Variants in MDH1B observed in about 807,000 individuals in gnomAD.
MDH1B encodes malate dehydrogenase 1B.
MDH1B carries 60 observed loss-of-function variants against 61.4 expected under a neutral mutation model. That is an observed-to-expected ratio of 0.98 (90% confidence interval 0.79 to 1.21). MDH1B has a LOEUF of 1.21. MDH1B is among the 50% of genes most tolerant of loss of function. The pLI, the probability that MDH1B is intolerant of heterozygous loss-of-function variation, is 0.00. For synonymous variants in MDH1B, 236 were observed against 218.7 expected (o/e 1.08, Z -0.70); for missense variants, 587 against 632.1 (o/e 0.93, Z 0.76).
At chr2:206,765,150 T>A in intron 1 of MDH1B, 100 bp downstream of exon 1, 1 of 1,422,520 alleles carries the variant, frequency 7.0e-7, no homozygotes, top group Non-Finnish European at 9.5e-7. Context: ...TAGCAAAGCA[T>A]GGAGCGGTCC....
At chr2:206,756,306 T>C (rs1453894384) in intron 4 of MDH1B, among the ~76,000 whole-genome samples, 3 of 152,132 alleles carry the variant, frequency 2.0e-5, no homozygotes, top group South Asian at 2.1e-4. Flanking sequence ...AAAATGAGTA[T>C]ATATTAGGAT....
At chr2:206,740,968 G>T in intron 10 of MDH1B, 86 bp downstream of exon 10, 2 of 1,573,666 alleles carry the variant, frequency 1.3e-6, no homozygotes, top group South Asian at 1.2e-5. Flanking sequence ...TTGGTCGCTA[G>T]ACCATAACAT....
chr2:206,742,529 C>A (rs183404008), intron 9 of MDH1B, among the ~76,000 whole-genome samples: 3 of 152,078 alleles, frequency 2.0e-5, no homozygotes, highest in African/African-American at 4.8e-5. Context: ...GCAAGAGTGA[C>A]GGCCTCCCCT....
At chr2:206,754,961 C>T (rs774034108) in intron 5 of MDH1B, 48 bp downstream of exon 5, 3 of 1,571,116 alleles carry the variant, frequency 1.9e-6, no homozygotes, top group Non-Finnish European at 2.6e-6. Flanking sequence ...GCTTTGAAAT[C>T]ATGTTGTTTC....
chr2:206,756,778 TAC>T (rs1688784823), intron 4 of MDH1B, 118 bp downstream of exon 4: 2 of 993,832 alleles, frequency 2.0e-6, no homozygotes, highest in Non-Finnish European at 3.0e-6. Flanking sequence ...TAAGTATACA[TAC>T]ACACAAATTT....
At position 206,765,275 on chromosome 2, in the gene MDH1B, CGAGA is replaced by C. The variant is rs774795887; in HGVS notation, c.-8_-5del. Reference sequence around the variant, plus strand: ...CCGCGATGACGAATTTGGCCATGGTCGAGAGAGACTCAGAGGCAGGGACCGCGGC... The same window carrying C: ...CCGCGATGACGAATTTGGCCATGGTCGAGACTCAGAGGCAGGGACCGCGGC... On this transcript the variant is annotated 5_prime_UTR_variant, in exon 1 of 12. Transcript: ENST00000374412. The C allele has an allele frequency of 6.2e-7, 1 of 1,601,166 alleles. No homozygotes were observed. The highest frequency in any genetic ancestry group is 2.3e-5 in the East Asian group (1 of 43,872).
At chr2:206,762,787 T>C (rs1263121890) in intron 1 of MDH1B, among the ~76,000 whole-genome samples, 1 of 152,186 alleles carries the variant, frequency 6.6e-6, no homozygotes, top group Non-Finnish European at 1.5e-5. Flanking sequence ...TCCGATCCTT[T>C]TCTTGTTGAC....
chr2:206,749,088 G>A lies in MDH1B; in HGVS notation c.1148C>T (p.Thr383Ile), dbSNP rs771489086. 4 of 1,613,754 alleles carry A rather than the reference G, an allele frequency of 2.5e-6. No individual in the cohort carries two copies. Among genetic ancestry groups the A allele is most frequent in the East Asian group, 4.5e-5 (2 of 44,878 alleles). The change falls in exon 7 of 12, where the codon ACT becomes ATT. Residue 383 changes from threonine to isoleucine, a missense_variant. Physicochemically the swap from Thr to Ile is moderately conservative, Grantham distance 89. Transcript: ENST00000374412. ...GGILAAHSIATTLKYWYHGSP... is the reference protein window; with the variant it reads ...GGILAAHSIAITLKYWYHGSP... ...GCCATGGTACCAGTATTTCAGTGTA[G>A]TGGCTATACTGTGTGCAGCCAAAAT...
rs1408311469 is a variant in MDH1B at position 206,760,977 on chromosome 2, A to G, written c.59T>C (p.Leu20Pro). ...ADCPYYAKTELVADYLQKNLP... is the reference protein window; with the variant it reads ...ADCPYYAKTEPVADYLQKNLP... ...ATTCTTTTGTAAATAGTCTGCCACA[A>G]GTTCTGTTTTAGCATAATATGGACA... The change falls in exon 2 of 12, where the codon CTT becomes CCT. Residue 20 changes from leucine (L) to proline (P), a missense_variant. Leu to Pro is a moderately conservative substitution (Grantham distance 98, BLOSUM62 -3). Transcript: ENST00000374412. 1 of 1,612,066 alleles carries G rather than the reference A, an allele frequency of 6.2e-7. No homozygotes were observed. Among genetic ancestry groups the G allele is most frequent in the East Asian group, 2.2e-5 (1 of 44,834 alleles).
intron 1 of MDH1B, 27 bp from the exon 2 acceptor site, chr2:206,761,040 T>G (rs1283589706): frequency 8.1e-7 from 1 of 1,237,774 alleles, no homozygotes; most frequent in Admixed American, 1.8e-5. Flanking sequence ...TAGCAATGTT[T>G]TCTTTCATCA....
intron 10 of MDH1B, among the ~76,000 whole-genome samples, chr2:206,740,342 A>G (rs1687738549): frequency 6.6e-6 from 1 of 152,260 alleles, no homozygotes; most frequent in African/African-American, 2.4e-5. Flanking sequence ...AGAAAATGTT[A>G]TTAAGAAAAT....
At chr2:206,750,417 G>T (rs1688370101) in intron 6 of MDH1B, among the ~76,000 whole-genome samples, 5 of 147,440 alleles carry the variant, frequency 3.4e-5, no homozygotes, top group Admixed American at 3.4e-4. Flanking sequence ...CTGCAAAGTG[G>T]AAATGGTAAC....
chr2:206,750,101 C>T (rs980791274), intron 6 of MDH1B, among the ~76,000 whole-genome samples: 1 of 151,916 alleles, frequency 6.6e-6, no homozygotes. Flanking sequence ...AGGGGCGAAG[C>T]TCCTATGGTC....
rs1430493982 is a variant in MDH1B, at chr2:206,755,374, A to AAAG, written c.544_545insCTT (p.Val182delinsAlaLeu). On this transcript the variant is annotated protein_altering_variant, in exon 5 of 12. Transcript: ENST00000374412. ...GGGAGATGCCAGGTCTTGGGTCTCC[A>AAAG]CCACAAGGCTTTTGAGATGTTCTTC... 4 of 1,614,084 alleles carry AAAG rather than the reference A, an allele frequency of 2.5e-6. No individual in the cohort carries two copies. Among genetic ancestry groups the AAAG allele is most frequent in the Non-Finnish European group, 3.4e-6 (4 of 1,180,046 alleles).
At chr2:206,757,107 A>G in intron 3 of MDH1B, 67 bp from the exon 4 acceptor site, 2 of 1,559,058 alleles carry the variant, frequency 1.3e-6, no homozygotes, top group African/African-American at 2.7e-5. Context: ...GCTATAATGG[A>G]AAGTTTTTGT....
At position 206,759,044 on chromosome 2, in the gene MDH1B, G is replaced by A. The variant is rs191275206; in HGVS notation, c.136-1673C>T. 1.1e-3 allele frequency among the ~76,000 whole-genome samples: 156 copies of A among 146,310 alleles called. 1 individual carries two copies. Among genetic ancestry groups the A allele is most frequent in the African/African-American group, 4.1e-3 (154 of 37,464 alleles). On this transcript the variant is annotated intron_variant, in intron 2 of 11. Transcript: ENST00000374412. ...AGTTTTGTTACATAGGTAAATTTGT[G>A]TCATGGGGGTTTGTTTTACAAATTA...
intron 1 of MDH1B, among the ~76,000 whole-genome samples, chr2:206,762,145 C>T (rs1689135429): frequency 6.6e-6 from 1 of 151,216 alleles, no homozygotes; most frequent in Non-Finnish European, 1.5e-5. Context: ...TTTCCCTTAT[C>T]AGCACTCTCT....
At chr2:206,739,179 G>T (rs756082097) in intron 11 of MDH1B, among the ~76,000 whole-genome samples, 1 of 152,160 alleles carries the variant, frequency 6.6e-6, no homozygotes, top group South Asian at 2.1e-4. Flanking sequence ...ACTTTGGAAG[G>T]CCAAAGTGGA....
chr2:206,739,495 T>G, intron 11 of MDH1B, 98 bp downstream of exon 11: 1 of 1,098,340 alleles, frequency 9.1e-7, no homozygotes, highest in Admixed American at 2.0e-5. Context: ...GTGGGGAGGG[T>G]TTGACAAGAA....
Sources: allele counts gnomAD v4.1 joint callset (sites outside exome capture counted in the v4.1 genomes callset), GRCh38; gene constraint gnomAD v4.1.1; transcripts MANE v1.5; gene names NCBI Gene and HGNC (gene_info 2026-07-23, HGNC 2026-07-21).